The following SLCO1A2 variants were observed in gnomAD, a reference collection of about 807,000 sequenced individuals.
SLCO1A2 encodes the protein solute carrier organic anion transporter family member 1A2.
In SLCO1A2, 67 loss-of-function variants were observed where a neutral mutation model predicts 69.0. The observed-to-expected ratio is 0.97, with a 90% confidence interval of 0.80 to 1.19. The LOEUF (loss-of-function observed/expected upper bound fraction) is 1.19. Ranked by LOEUF, SLCO1A2 falls within the 50% of genes most tolerant of loss-of-function variation. The pLI, the probability that SLCO1A2 is intolerant of heterozygous loss-of-function variation, is 0.00. For missense variants in SLCO1A2, 787 were observed against 793.7 expected, an observed-to-expected ratio of 0.99 and a Z score of 0.10; for synonymous variants, 260 against 265.9, an observed-to-expected ratio of 0.98 and a Z score of 0.22.
At chr12:21,351,791 A>G (rs1016560513) in intron 2 of SLCO1A2, among the ~76,000 whole-genome samples, 1 of 151,858 alleles carries the variant, frequency 6.6e-6, no homozygotes, top group African/African-American at 2.4e-5. Context: ...AAAAAAAAAA[A>G]TCATAAAAAT....
At chr12:21,360,062 T>A (rs1005011200) in intron 2 of SLCO1A2, among the ~76,000 whole-genome samples, 14 of 151,724 alleles carry the variant, frequency 9.2e-5, no homozygotes, top group Non-Finnish European at 1.5e-5. Context: ...TACTATCTCA[T>A]CTGTATAGAA....
At chr12:21,352,952 G>A (rs776698072) in intron 2 of SLCO1A2, among the ~76,000 whole-genome samples, 10 of 152,094 alleles carry the variant, frequency 6.6e-5, no homozygotes, top group Non-Finnish European at 1.5e-4. Context: ...TTAAACTTTC[G>A]AACAGTGGTT....
chr12:21,326,366 A>G (rs1952227891), intron 2 of SLCO1A2, among the ~76,000 whole-genome samples: 1 of 152,192 alleles, frequency 6.6e-6, no homozygotes, highest in Non-Finnish European at 1.5e-5. Context: ...TGTGGAAATG[A>G]CTTTGGAACT....
intron 1 of SLCO1A2, among the ~76,000 whole-genome samples, chr12:21,376,720 TTAGAGA>T (rs1222296201): frequency 2.0e-5 from 3 of 152,036 alleles, no homozygotes; most frequent in South Asian, 2.1e-4. Context: ...CTATCTCTAC[TTAGAGA>T]TAGAGATAAT....
At chr12:21,373,316 G>T (rs1285703461) in intron 2 of SLCO1A2, 5 of 1,371,218 alleles carry the variant, frequency 3.6e-6, no homozygotes, top group Non-Finnish European at 3.1e-6. Context: ...CTTGATTTCA[G>T]TGCTGGATTA....
At chr12:21,329,887 T>G (rs1425657446) in intron 2 of SLCO1A2, among the ~76,000 whole-genome samples, 2 of 151,174 alleles carry the variant, frequency 1.3e-5, no homozygotes, top group African/African-American at 4.8e-5. Flanking sequence ...GTTATTTAAT[T>G]TAACATAACA....
chr12:21,368,884 TTCTTC>T (rs1200870532), intron 2 of SLCO1A2, among the ~76,000 whole-genome samples: 1 of 152,174 alleles, frequency 6.6e-6, no homozygotes, highest in Non-Finnish European at 1.5e-5. Flanking sequence ...CTGAATCTTC[TTCTTC>T]TAATATGGGA....
In SLCO1A2 at chr12:21,292,329, TG is replaced by T; in HGVS notation, c.1444del (p.Gln482LysfsTer27). The T allele has an allele frequency of 6.2e-7, 1 of 1,603,502 alleles. No individual in the cohort carries two copies. Among genetic ancestry groups the T allele is most frequent in the Non-Finnish European group, 8.5e-7 (1 of 1,176,054 alleles). ...TGATGTTTGAATACAGCTGCAATTT[TG>T]GAACACCTGCCAAAAAATAACATAT... is the stretch of plus-strand genomic sequence containing the variant. The part of the protein sequence containing the change: ...SIGTGINMVF[Q>X]NCSCIQTSGN... On this transcript the variant is annotated frameshift_variant, in exon 12 of 15. Transcript: ENST00000683939. LOFTEE classifies it high-confidence loss of function.
upstream of SLCO1A2, among the ~76,000 whole-genome samples, chr12:21,418,629 C>T (rs188246874): frequency 6.6e-6 from 1 of 152,088 alleles, no homozygotes; most frequent in African/African-American, 2.4e-5. Flanking sequence ...TTATTCACTA[C>T]CACGAGAACA....
intron 1 of SLCO1A2, among the ~76,000 whole-genome samples, chr12:21,400,883 G>A (rs1187208707): frequency 1.0e-5 from 1 of 97,972 alleles, no homozygotes; most frequent in African/African-American, 4.0e-5. Flanking sequence ...GTTGTGGGGT[G>A]GGGGGAGGGG....
intron 2 of SLCO1A2, chr12:21,373,306 C>G: frequency 7.9e-7 from 1 of 1,259,094 alleles, no homozygotes; most frequent in Non-Finnish European, 1.2e-6. Context: ...TAAGAAATCT[C>G]TTGATTTCAG....
At chr12:21,344,961 C>G (rs759856740) in intron 2 of SLCO1A2, among the ~76,000 whole-genome samples, 1 of 151,888 alleles carries the variant, frequency 6.6e-6, no homozygotes, top group Non-Finnish European at 1.5e-5. Context: ...CCAAAATCTC[C>G]TATTCCATAT....
chr12:21,368,350 C>A (rs915322785), intron 2 of SLCO1A2, among the ~76,000 whole-genome samples: 2 of 152,008 alleles, frequency 1.3e-5, no homozygotes, highest in Non-Finnish European at 2.9e-5. Context: ...ACAACAAATG[C>A]CCCCATTTTT....
At chr12:21,394,812 T>C (rs1941354602) in intron 1 of SLCO1A2, 1 of 152,062 alleles carries the variant, frequency 6.6e-6, no homozygotes. Flanking sequence ...TGGGAGTGGG[T>C]GGTACACTCA....
At chr12:21,292,839 C>T (rs1329030820) in intron 11 of SLCO1A2, among the ~76,000 whole-genome samples, 3 of 152,108 alleles carry the variant, frequency 2.0e-5, no homozygotes, top group Non-Finnish European at 2.9e-5. Flanking sequence ...GATGATCCAC[C>T]GGTCTCTGCC....
intron 2 of SLCO1A2, among the ~76,000 whole-genome samples, chr12:21,348,207 A>G (rs1466302703): frequency 6.6e-6 from 1 of 152,230 alleles, no homozygotes; most frequent in Admixed American, 6.5e-5. Flanking sequence ...AGAATGGGGT[A>G]TCCATCCCCT....
chr12:21,339,020 T>C (rs1157581947), upstream of SLCO1A2, among the ~76,000 whole-genome samples: 2 of 152,026 alleles, frequency 1.3e-5, no homozygotes, highest in Non-Finnish European at 2.9e-5. Context: ...TCCTCATCTC[T>C]GATATTGAAA....
Position 21,301,244 on chromosome 12 carries a change from A to C in SLCO1A2, c.615T>G (p.Ile205Met). Residue 205 changes from isoleucine to methionine, a missense_variant, in exon 7 of 15, where the codon ATT (isoleucine) becomes ATG (methionine). Coordinates refer to ENST00000683939, the MANE Select transcript of SLCO1A2 (RefSeq NM_001386879.1). ...CCAACAAAAGTCCAATCAAAGGACC[A>C]ATAATAGCTCCTGTTTCTACAAGCC... ...YIGLVETGAIIGPLIGLLLAS... is the reference protein window; with the variant it reads ...YIGLVETGAIMGPLIGLLLAS... 1 of 1,612,150 alleles carries C rather than the reference A, an allele frequency of 6.2e-7. No individual in the cohort carries two copies. Among genetic ancestry groups the C allele is most frequent in the Non-Finnish European group, 8.5e-7 (1 of 1,179,090 alleles).
At chr12:21,365,838 A>C (rs1939332755) in intron 2 of SLCO1A2, among the ~76,000 whole-genome samples, 8 of 152,226 alleles carry the variant, frequency 5.3e-5, no homozygotes. Flanking sequence ...GCACATCAAA[A>C]CCACAATGAG....
Sources: gnomAD v4.1 joint callset for allele counts (sites outside exome capture counted in the v4.1 genomes callset) on GRCh38, gnomAD v4.1.1 for gene constraint, MANE v1.5 for transcripts, NCBI Gene and HGNC (gene_info 2026-07-23, HGNC 2026-07-21) for gene names.